The following MRTFA variants were observed in gnomAD, a reference collection of about 807,000 sequenced individuals.
MRTFA encodes the protein myocardin-related transcription factor A.
Under a neutral mutation model 83.5 loss-of-function variants are expected in MRTFA, and 20 were observed. The observed-to-expected ratio is 0.24, with a 90% CI of 0.17 to 0.35. The LOEUF (loss-of-function observed/expected upper bound fraction) is 0.35, where lower values mean the gene tolerates loss of function less well. Among genes scored for constraint, MRTFA ranks in the 10% least tolerant of loss-of-function variants. MRTFA has a pLI of 1.00. For synonymous variants in MRTFA, 659 were observed against 541.2 expected, an observed-to-expected ratio of 1.22 and a Z score of -3.02; for missense variants, 1,200 against 1,224.7, an observed-to-expected ratio of 0.98 and a Z score of 0.30.
chr22:40,531,935 C>A (rs2055088843), intron 3 of MRTFA, among the ~76,000 whole-genome samples: 2 of 152,148 alleles, frequency 1.3e-5, no homozygotes, highest in South Asian at 4.1e-4. Flanking sequence ...CTTTCTATAT[C>A]CAGAGTCTCT....
chr22:40,612,125 C>G (rs929671110), intron 1 of MRTFA, among the ~76,000 whole-genome samples: 1 of 152,154 alleles, frequency 6.6e-6, no homozygotes, highest in African/African-American at 2.4e-5. Context: ...ATATAATCAA[C>G]TGACATTTGT....
chr22:40,475,496 C>T (rs1280723811), intron 3 of MRTFA, among the ~76,000 whole-genome samples: 2 of 151,898 alleles, frequency 1.3e-5, no homozygotes, highest in African/African-American at 2.4e-5. Flanking sequence ...GAAATTGTGC[C>T]CCTGCACTCC....
chr22:40,560,454 T>G (rs1272669932), intron 2 of MRTFA, among the ~76,000 whole-genome samples: 2 of 152,204 alleles, frequency 1.3e-5, no homozygotes, highest in African/African-American at 2.4e-5. Context: ...CTATTCATTT[T>G]GAAAGAGCCC....
chr22:40,417,008 A>C lies in MRTFA; in HGVS notation c.2556T>G (p.Phe852Leu). 6.3e-7 allele frequency: 1 copy of C among 1,599,028 alleles called. No individual in the cohort carries two copies. Among genetic ancestry groups the C allele is most frequent in the Non-Finnish European group, 8.5e-7 (1 of 1,172,876 alleles). ...TACCTCCGCTCTGAATGAGAATGTC[A>C]AACAGGTCGTCCATCTGCTGGCTTG... Residue 852 changes from phenylalanine (F) to leucine (L), a missense_variant, in exon 14 of 15, where the codon TTT (phenylalanine) becomes TTG (leucine). Physicochemically the swap from Phe to Leu is conservative, Grantham distance 22 (BLOSUM62 0). Transcript: ENST00000355630.
At chr22:40,418,253 G>C in intron 12 of MRTFA, 121 bp downstream of exon 12, 2 of 1,493,814 alleles carry the variant, frequency 1.3e-6, no homozygotes, top group Non-Finnish European at 8.9e-7. Context: ...GGTGAAGGAA[G>C]ATTAAATGAA....
chr22:40,467,694 T>C (rs1200293421), intron 3 of MRTFA, among the ~76,000 whole-genome samples: 3 of 151,968 alleles, frequency 2.0e-5, no homozygotes, highest in Non-Finnish European at 2.9e-5. Context: ...TATAAGCCTA[T>C]GGAGATTTAG....
chr22:40,519,471 G>A, intron 3 of MRTFA: 1 of 1,340,736 alleles, frequency 7.5e-7, no homozygotes. Flanking sequence ...TACCAGTGCT[G>A]CCCTCTCTTC....
chr22:40,479,783 C>G (rs2054057136), intron 3 of MRTFA, among the ~76,000 whole-genome samples: 1 of 152,060 alleles, frequency 6.6e-6, no homozygotes, highest in Non-Finnish European at 1.5e-5. Flanking sequence ...ATCCAAAATG[C>G]AAAACACCTG....
At position 40,424,386 on chromosome 22, in the gene MRTFA, A is replaced by T; in HGVS notation, c.602-5T>A. 1 of 1,612,606 alleles carries T rather than the reference A, an allele frequency of 6.2e-7. No homozygotes were observed. The highest frequency in any genetic ancestry group is 8.5e-7 in the Non-Finnish European group (1 of 1,179,338). On this transcript the variant is annotated splice_polypyrimidine_tract_variant and splice_region_variant and intron_variant, in intron 7 of 14. Coordinates refer to ENST00000355630, the MANE Select transcript of MRTFA (RefSeq NM_020831.6). The stretch of plus-strand genomic sequence containing the variant: ...TGGGATAGTTCACCTGGCCCACTGA[A>T]ACCCAAAGCTGGTGTGAGATTCCAC...
At chr22:40,609,482 C>CAA (rs148106089) in intron 1 of MRTFA, among the ~76,000 whole-genome samples, 7,487 of 69,240 alleles carry the variant, frequency 0.11, 343 homozygotes, top group East Asian at 0.29. Flanking sequence ...GTCTCTTTAA[C>CAA]AAAAAAAAAA....
intron 1 of MRTFA, among the ~76,000 whole-genome samples, chr22:40,612,577 C>T (rs1325839747): frequency 6.6e-6 from 1 of 152,132 alleles, no homozygotes; most frequent in Non-Finnish European, 1.5e-5. Flanking sequence ...AAAAAGCACA[C>T]ATTTTGAGTG....
intron 9 of MRTFA, among the ~76,000 whole-genome samples, chr22:40,423,321 C>A (rs191541672): frequency 6.7e-4 from 102 of 152,262 alleles, no homozygotes; most frequent in Non-Finnish European, 1.0e-3. Context: ...ACCTGGAATG[C>A]CCAAGGCCAG....
chr22:40,544,500 T>A (rs1321738064), intron 3 of MRTFA, among the ~76,000 whole-genome samples: 2 of 152,182 alleles, frequency 1.3e-5, no homozygotes, highest in African/African-American at 2.4e-5. Flanking sequence ...GCACTGGGAT[T>A]ATAGGCATGA....
At chr22:40,505,922 A>G (rs966075143) in intron 3 of MRTFA, among the ~76,000 whole-genome samples, 7 of 152,250 alleles carry the variant, frequency 4.6e-5, no homozygotes, top group South Asian at 2.1e-4. Context: ...AAAAGTAGAT[A>G]TAACATAGAT....
chr22:40,420,725 C>G, intron 10 of MRTFA, 122 bp downstream of exon 10: 1 of 1,545,742 alleles, frequency 6.5e-7, no homozygotes, highest in South Asian at 1.2e-5. Context: ...GCAGACCACT[C>G]TGTAGCATCC....
intron 2 of MRTFA, among the ~76,000 whole-genome samples, chr22:40,570,494 C>T (rs1379940316): frequency 7.2e-6 from 1 of 138,574 alleles, no homozygotes; most frequent in Non-Finnish European, 1.5e-5. Context: ...AGGAGAACGG[C>T]ATGAACCCAG....
chr22:40,602,102 T>G (rs1287334702), intron 1 of MRTFA, among the ~76,000 whole-genome samples: 1 of 152,158 alleles, frequency 6.6e-6, no homozygotes, highest in South Asian at 2.1e-4. Flanking sequence ...ACAAAGCACC[T>G]ACGAAGAAGA....
chr22:40,435,591 G>A (rs763605805), intron 4 of MRTFA, 37 bp from the exon 5 acceptor site: 30 of 1,605,936 alleles, frequency 1.9e-5, no homozygotes, highest in East Asian at 6.7e-5. Flanking sequence ...ACCTTCAAGC[G>A]AAGCATCATG....
intron 3 of MRTFA, among the ~76,000 whole-genome samples, chr22:40,531,326 C>T (rs1004106500): frequency 3.5e-5 from 5 of 142,574 alleles, no homozygotes; most frequent in Admixed American, 7.4e-5. Context: ...TGGGCTTAAG[C>T]GATCCTCCTG....
Sources: gnomAD v4.1 joint callset for allele counts (sites outside exome capture counted in the v4.1 genomes callset) on GRCh38, gnomAD v4.1.1 for gene constraint, MANE v1.5 for transcripts, NCBI Gene and HGNC (gene_info 2026-07-23, HGNC 2026-07-21) for gene names.